LRRC4C: variants seen among roughly 807,000 people sequenced by gnomAD.
LRRC4C encodes the protein leucine rich repeat containing 4C.
A neutral mutation model predicts 33.6 loss-of-function variants in LRRC4C; 5 were observed. The observed-to-expected ratio is 0.15, with a 90% CI of 0.08 to 0.31. The LOEUF is 0.31. Among genes scored for constraint, LRRC4C ranks in the 10% least tolerant of loss-of-function variants. LRRC4C has a pLI of 1.00. For synonymous variants in LRRC4C, 329 were observed against 302.0 expected (o/e 1.09, Z -0.93); for missense variants, 560 against 796.7 (o/e 0.70, Z 3.58).
At chr11:40,614,282 A>T (rs1278941888) in intron 3 of LRRC4C, among the ~76,000 whole-genome samples, 1 of 151,926 alleles carries the variant, frequency 6.6e-6, no homozygotes, top group Non-Finnish European at 1.5e-5. Flanking sequence ...ATAACCTGCC[A>T]CAGCTTCTAT....
At chr11:41,075,062 T>A (rs866473245) in intron 1 of LRRC4C, among the ~76,000 whole-genome samples, 1,147 of 55,160 alleles carry the variant, frequency 0.021, 19 homozygotes, top group African/African-American at 0.098. Context: ...TTTTTTTTTT[T>A]ATTATACTCT....
chr11:41,295,965 C>A (rs1950130204), intron 1 of LRRC4C, among the ~76,000 whole-genome samples: 1 of 152,200 alleles, frequency 6.6e-6, no homozygotes, highest in Non-Finnish European at 1.5e-5. Context: ...AGAACTTACT[C>A]TCATTTTTGT....
intron 2 of LRRC4C, among the ~76,000 whole-genome samples, chr11:40,825,892 C>A (rs1009394886): frequency 1.4e-5 from 2 of 145,862 alleles, no homozygotes; most frequent in African/African-American, 2.5e-5. Context: ...AAAATTTAAA[C>A]AGTACTTTTT....
intron 3 of LRRC4C, among the ~76,000 whole-genome samples, chr11:40,622,858 T>C (rs1429750355): frequency 6.6e-6 from 1 of 151,900 alleles, no homozygotes; most frequent in African/African-American, 2.4e-5. Context: ...TAACAGTGAC[T>C]ATTTTTAGCA....
At chr11:40,320,962 A>G (rs1945815412) in intron 3 of LRRC4C, among the ~76,000 whole-genome samples, 1 of 152,122 alleles carries the variant, frequency 6.6e-6, no homozygotes, top group Admixed American at 6.5e-5. Flanking sequence ...CGAATTTGAG[A>G]TTCATGTATT....
In LRRC4C at chr11:40,220,337, C is replaced by T. The variant is rs142582356; in HGVS notation, c.-96+21182G>A. ...GAGTTGAGCACTTCATTTGATTAGG[C>T]TTTTCATATATATGTTATAATAAAT... On this transcript the variant is annotated intron_variant, in intron 5 of 6. Transcript: ENST00000528697. 9.2e-5 allele frequency among the ~76,000 whole-genome samples: 14 copies of T among 152,232 alleles called. No homozygotes were observed. The East Asian group carries it at 2.5e-3, about 27-fold the overall frequency.
At chr11:41,271,360 C>T (rs1201950054) in intron 1 of LRRC4C, among the ~76,000 whole-genome samples, 2 of 152,078 alleles carry the variant, frequency 1.3e-5, no homozygotes, top group Non-Finnish European at 2.9e-5. Flanking sequence ...AACCTAACCT[C>T]GACATTTTCC....
rs76689367 is a variant in LRRC4C at position 40,532,009 on chromosome 11, A to G, written c.-270+116133T>C. 8.2e-3 allele frequency among the ~76,000 whole-genome samples: 1,199 copies of G among 146,668 alleles called. 10 individuals are homozygous for G. The highest frequency in any genetic ancestry group is 0.029 in the African/African-American group (1,139 of 39,328). The stretch of plus-strand genomic sequence containing the variant: ...TATTTATAGAGCATCTAGTATGACC[A>G]TGCATCTTGCTAGCCTTTTTATATG... On this transcript the variant is annotated intron_variant, in intron 3 of 6. Coordinates refer to ENST00000528697, the MANE Select transcript of LRRC4C (RefSeq NM_001258419.2).
intron 1 of LRRC4C, among the ~76,000 whole-genome samples, chr11:41,135,851 A>G (rs192010290): frequency 6.6e-6 from 1 of 152,334 alleles, no homozygotes; most frequent in Non-Finnish European, 1.5e-5. Flanking sequence ...CCATTTTTAT[A>G]TTAAAAAATC....
chr11:41,410,301 AT>A (rs1244574693), intron 1 of LRRC4C, among the ~76,000 whole-genome samples: 2 of 151,988 alleles, frequency 1.3e-5, no homozygotes, highest in Non-Finnish European at 2.9e-5. Context: ...TTCTGAAATC[AT>A]TTTGGCACCT....
chr11:40,531,184 A>C (rs1956256241), intron 3 of LRRC4C, among the ~76,000 whole-genome samples: 1 of 152,248 alleles, frequency 6.6e-6, no homozygotes, highest in South Asian at 2.1e-4. Context: ...AGAGGAAAGT[A>C]TGGAAATTTT....
chr11:41,095,303 A>G (rs747289364), intron 1 of LRRC4C, among the ~76,000 whole-genome samples: 8 of 152,158 alleles, frequency 5.3e-5, no homozygotes, highest in Non-Finnish European at 8.8e-5. Context: ...CCACCCCCAT[A>G]ATCCAATCAC....
chr11:41,124,092 A>C (rs1319021656), intron 1 of LRRC4C, among the ~76,000 whole-genome samples: 1 of 152,206 alleles, frequency 6.6e-6, no homozygotes, highest in African/African-American at 2.4e-5. Flanking sequence ...TTATCTTTAC[A>C]AGAATTCAAG....
At chr11:40,855,682 GGCACTTTATAATTA>G (rs1391775546) in intron 2 of LRRC4C, among the ~76,000 whole-genome samples, 1 of 152,110 alleles carries the variant, frequency 6.6e-6, no homozygotes, top group Non-Finnish European at 1.5e-5. Flanking sequence ...TTTTTCAAAA[GGCACTTTATAATTA>G]GCTGCCTATT....
chr11:40,519,765 C>T (rs1955730531), intron 3 of LRRC4C, among the ~76,000 whole-genome samples: 1 of 152,308 alleles, frequency 6.6e-6, no homozygotes, highest in South Asian at 2.1e-4. Context: ...TCAACATTAA[C>T]AGGAGTTTGG....
At chr11:40,221,034 C>A (rs181892100) in intron 5 of LRRC4C, among the ~76,000 whole-genome samples, 1 of 152,140 alleles carries the variant, frequency 6.6e-6, no homozygotes, top group Admixed American at 6.5e-5. Flanking sequence ...GGCCACCATG[C>A]CCAGCTAATT....
intron 2 of LRRC4C, among the ~76,000 whole-genome samples, chr11:40,890,583 T>C (rs927729874): frequency 2.6e-5 from 4 of 152,172 alleles, no homozygotes; most frequent in Admixed American, 6.5e-5. Context: ...GAGCAATTTA[T>C]CTTACTAACT....
intron 2 of LRRC4C, among the ~76,000 whole-genome samples, chr11:40,827,378 A>G (rs1380534642): frequency 6.6e-6 from 1 of 151,954 alleles, no homozygotes; most frequent in African/African-American, 2.4e-5. Flanking sequence ...ATTATTATAC[A>G]CATTTGTGAA....
intron 3 of LRRC4C, among the ~76,000 whole-genome samples, chr11:40,397,112 A>C (rs1253842629): frequency 1.3e-5 from 2 of 152,020 alleles, no homozygotes; most frequent in South Asian, 2.1e-4. Flanking sequence ...GTACCATAAG[A>C]CTCTGATATC....
Sources: allele counts gnomAD v4.1 joint callset (sites outside exome capture counted in the v4.1 genomes callset), GRCh38; gene constraint gnomAD v4.1.1; transcripts MANE v1.5; gene names NCBI Gene and HGNC (gene_info 2026-07-23, HGNC 2026-07-21).